Variants in PRDX6 observed in about 807,000 individuals in gnomAD.
PRDX6 encodes peroxiredoxin-6.
A neutral mutation model predicts 20.0 loss-of-function variants in PRDX6; 13 were observed. That is an observed-to-expected ratio of 0.65 (90% CI 0.42 to 1.03). The LOEUF (loss-of-function observed/expected upper bound fraction) is 1.03. Ranked by LOEUF, PRDX6 falls within the 50% of genes least tolerant of loss-of-function variation. The pLI is 0.00. For missense variants in PRDX6, 203 were observed against 276.9 expected, an observed-to-expected ratio of 0.73 and a Z score of 1.89; for synonymous variants, 85 against 100.8, an observed-to-expected ratio of 0.84 and a Z score of 0.94.
chr1:173,480,255 G>A lies in PRDX6; in HGVS notation c.96-1071G>A, dbSNP rs970019926. 3.3e-5 allele frequency among the ~76,000 whole-genome samples: 5 copies of A among 152,080 alleles called. No individual in the cohort carries two copies. The South Asian group carries it at 6.2e-4, about 19-fold the overall frequency. On this transcript the variant is annotated intron_variant, in intron 1 of 4. Transcript: ENST00000340385. ...AAACCTTGGGAGTTGAGTGGCAGCC[G>A]TAAGTAGGAAGGAGGTGCCCTTGTC...
chr1:173,488,019 T>G lies in PRDX6; in HGVS notation c.*156T>G. 1.2e-6 allele frequency: 1 copy of G among 800,976 alleles called. No individual in the cohort carries two copies. The highest frequency in any genetic ancestry group is 1.9e-6 in the Non-Finnish European group (1 of 520,364). The allele number at this position is 800,976 out of a possible 1,614,324, so 49.6% of individuals were successfully genotyped here. On this transcript the variant is annotated 3_prime_UTR_variant, in exon 5 of 5. Transcript: ENST00000340385. The stretch of plus-strand genomic sequence containing the variant: ...TTAAATGAAAATGGCACTAAAAGTT[T>G]CTTGAGATTCTTTATACTCTCTGCC...
chr1:173,481,828 TTCTTGGA>T (rs1658806395), intron 2 of PRDX6: 1 of 228,238 alleles, frequency 4.4e-6, no homozygotes, highest in Non-Finnish European at 8.7e-6. Flanking sequence ...CTGAACTTAT[TTCTTGGA>T]CCTCATCTCT....
chr1:173,482,591 G>A (rs1386299893), intron 2 of PRDX6, among the ~76,000 whole-genome samples: 1 of 152,222 alleles, frequency 6.6e-6, no homozygotes, highest in African/African-American at 2.4e-5. Flanking sequence ...GAACTTGACT[G>A]CACTGTGCTG....
In PRDX6 at chr1:173,487,946, C is replaced by A; in HGVS notation, c.*83C>A. The stretch of plus-strand genomic sequence containing the variant: ...CCTGCAGCAATTCCATAAACACATC[C>A]TGGTGTCATCACAGCCAAGGTTTTT... On this transcript the variant is annotated 3_prime_UTR_variant, in exon 5 of 5. Transcript: ENST00000340385. 6.5e-7 allele frequency: 1 copy of A among 1,548,406 alleles called. No homozygotes were observed. Among genetic ancestry groups the A allele is most frequent in the South Asian group, 1.2e-5 (1 of 84,870 alleles).
At chr1:173,477,553 C>G in intron 1 of PRDX6, 61 bp downstream of exon 1, 7 of 1,367,994 alleles carry the variant, frequency 5.1e-6, no homozygotes, top group Non-Finnish European at 7.1e-6. Context: ...GAGGTGCCTT[C>G]CCTGTTTCTT....
rs1420728451 is a variant in PRDX6 at position 173,477,354 on chromosome 1, C to G, written c.-44C>G. On this transcript the variant is annotated 5_prime_UTR_variant, in exon 1 of 5. Transcript: ENST00000340385. ...CAGGCTGCTTCTTCGCCAGAACCAA[C>G]CGGTTGCTTGCTGTCCCAGCGGCGC... 1 of 1,440,408 alleles carries G rather than the reference C, an allele frequency of 6.9e-7. No homozygotes were observed. The highest frequency in any genetic ancestry group is 1.8e-5 in the Admixed American group (1 of 55,238). 89.2% of individuals were successfully genotyped at this position (1,440,408 alleles called of 1,614,324 possible).
chr1:173,482,433 G>C (rs1658819563), intron 2 of PRDX6, among the ~76,000 whole-genome samples: 1 of 152,170 alleles, frequency 6.6e-6, no homozygotes, highest in Non-Finnish European at 1.5e-5. Context: ...TTAGTGCACT[G>C]CTGGAACAAT....
intron 1 of PRDX6, among the ~76,000 whole-genome samples, chr1:173,478,290 C>T (rs1658740222): frequency 6.6e-6 from 1 of 152,214 alleles, no homozygotes; most frequent in South Asian, 2.1e-4. Flanking sequence ...CGCTGTTCCG[C>T]TGGAGTGGCC....
At position 173,481,450 on chromosome 1, in the gene PRDX6, G is replaced by A; in HGVS notation, c.220G>A (p.Asp74Asn). Reference protein sequence around the residue: ...RNVKLIALSIDSVEDHLAWSK... With the variant: ...RNVKLIALSINSVEDHLAWSK... Reference sequence around the variant, plus strand: ...TGTTAAGTTGATTGCCCTTTCAATAGACAGTGTTGAGGACCATCTTGCCTG... The same window carrying A: ...TGTTAAGTTGATTGCCCTTTCAATAAACAGTGTTGAGGACCATCTTGCCTG... The change falls in exon 2 of 5, where the codon GAC (aspartate) becomes AAC (asparagine). Residue 74 changes from aspartate to asparagine, a missense_variant. Coordinates refer to ENST00000340385, the MANE Select transcript of PRDX6 (RefSeq NM_004905.3). The A allele has an allele frequency of 6.2e-7, 1 of 1,614,136 alleles. No homozygotes were observed. Among genetic ancestry groups the A allele is most frequent in the Non-Finnish European group, 8.5e-7 (1 of 1,180,004 alleles).
In PRDX6 at chr1:173,477,352, A is replaced by G; in HGVS notation, c.-46A>G. 1.4e-6 allele frequency: 2 copies of G among 1,433,054 alleles called. No homozygotes were observed. The highest frequency in any genetic ancestry group is 1.9e-6 in the Non-Finnish European group (2 of 1,048,600). 88.8% of individuals were successfully genotyped at this position (1,433,054 alleles called of 1,614,324 possible). On this transcript the variant is annotated 5_prime_UTR_variant, in exon 1 of 5. Coordinates refer to ENST00000340385, the MANE Select transcript of PRDX6 (RefSeq NM_004905.3). ...GACAGGCTGCTTCTTCGCCAGAACCAACCGGTTGCTTGCTGTCCCAGCGGC... is the reference window on the plus strand; with the variant it reads ...GACAGGCTGCTTCTTCGCCAGAACCGACCGGTTGCTTGCTGTCCCAGCGGC...
intron 4 of PRDX6, 37 bp from the exon 5 acceptor site, chr1:173,487,698 G>A: frequency 6.2e-7 from 1 of 1,611,002 alleles, no homozygotes. Context: ...GCTTCACTAT[G>A]AGATTGAATT....
rs372496674 is a variant in PRDX6 at position 173,477,455 on chromosome 1, G to T, written c.58G>T (p.Val20Phe). 1.9e-6 allele frequency: 3 copies of T among 1,607,428 alleles called. No individual in the cohort carries two copies. Among genetic ancestry groups the T allele is most frequent in the African/African-American group, 2.7e-5 (2 of 73,866 alleles). ...VAPNFEANTT[V>F]GRIRFHDFLG... ...TCCCAACTTTGAGGCCAATACCACCGTCGGCCGCATCCGTTTCCACGACTT... is the reference window on the plus strand; with the variant it reads ...TCCCAACTTTGAGGCCAATACCACCTTCGGCCGCATCCGTTTCCACGACTT... Residue 20 changes from valine to phenylalanine, a missense_variant, in exon 1 of 5, where the codon GTC becomes TTC. Physicochemically the swap from Val to Phe is conservative, Grantham distance 50. Transcript: ENST00000340385.
At chr1:173,480,512 T>G (rs1324277557) in intron 1 of PRDX6, among the ~76,000 whole-genome samples, 2 of 152,228 alleles carry the variant, frequency 1.3e-5, no homozygotes, top group Non-Finnish European at 2.9e-5. Context: ...CAGCTTGAAA[T>G]GTGCTCAAAA....
In PRDX6 at chr1:173,487,966, G is replaced by GA. The variant is rs1221399385; in HGVS notation, c.*103_*104insA. ...ACATCCTGGTGTCATCACAGCCAAG[G>GA]TTTTTAGGTTGCTATACCAATGGCT... On this transcript the variant is annotated 3_prime_UTR_variant, in exon 5 of 5. Transcript: ENST00000340385. 122 of 1,443,352 alleles carry GA rather than the reference G, an allele frequency of 8.5e-5. 1 individual carries two copies. The African/African-American group carries it at 1.5e-3, about 18-fold the overall frequency. The allele number at this position is 1,443,352 out of a possible 1,614,324, so 89.4% of individuals were successfully genotyped here.
At chr1:173,486,485 G>A (rs1401918780) in intron 4 of PRDX6, 84 bp downstream of exon 4, 3 of 1,404,644 alleles carry the variant, frequency 2.1e-6, no homozygotes, top group Non-Finnish European at 2.9e-6. Context: ...TGTGTTACCT[G>A]TTTCTAGCAC....
intron 4 of PRDX6, among the ~76,000 whole-genome samples, chr1:173,487,307 G>C (rs1658917705): frequency 6.6e-6 from 1 of 152,154 alleles, no homozygotes; most frequent in Non-Finnish European, 1.5e-5. Flanking sequence ...GAGCACTATA[G>C]GCAGAAGGAG....
Position 173,481,446 on chromosome 1 carries a change from A to G in PRDX6, c.216A>G (p.Ser72=), listed in dbSNP as rs1200463111. The G allele has an allele frequency of 3.1e-6, 5 of 1,614,048 alleles. No homozygotes were observed. In the East Asian group the frequency reaches 8.9e-5, roughly 29 times the overall value. The change falls in exon 2 of 5, where the codon TCA becomes TCG. Residue 72 remains serine, a synonymous_variant. Coordinates refer to ENST00000340385, the MANE Select transcript of PRDX6 (RefSeq NM_004905.3). ...AKRNVKLIAL[S]IDSVEDHLAW... Reference sequence around the variant, plus strand: ...GGAATGTTAAGTTGATTGCCCTTTCAATAGACAGTGTTGAGGACCATCTTG... The same window carrying G: ...GGAATGTTAAGTTGATTGCCCTTTCGATAGACAGTGTTGAGGACCATCTTG...
Position 173,485,401 on chromosome 1 carries a change from T to TA in PRDX6, c.294dup (p.Pro99ThrfsTer7). The TA allele has an allele frequency of 1.9e-6, 3 of 1,608,284 alleles. No individual in the cohort carries two copies. The highest frequency in any genetic ancestry group is 2.2e-5 in the South Asian group (2 of 89,886). The stretch of plus-strand genomic sequence containing the variant: ...AATTGTGAAGAGCCCACAGAAAAGT[T>TA]ACCTTTTCCCATCATCGATGATAGG... On this transcript the variant is annotated frameshift_variant, in exon 3 of 5. Coordinates refer to ENST00000340385, the MANE Select transcript of PRDX6 (RefSeq NM_004905.3). LOFTEE classifies it high-confidence loss of function.
intron 1 of PRDX6, among the ~76,000 whole-genome samples, chr1:173,478,792 T>C (rs910765502): frequency 6.6e-6 from 1 of 152,204 alleles, no homozygotes; most frequent in Non-Finnish European, 1.5e-5. Context: ...ATCCAACCCT[T>C]TATAACCTCT....
Sources: allele counts gnomAD v4.1 joint callset (sites outside exome capture counted in the v4.1 genomes callset), GRCh38; gene constraint gnomAD v4.1.1; transcripts MANE v1.5; gene names NCBI Gene and HGNC (gene_info 2026-07-23, HGNC 2026-07-21).